CYTH4: variants seen among roughly 807,000 people sequenced by gnomAD.
The protein encoded by CYTH4 is cytohesin 4.
CYTH4 carries 22 observed loss-of-function variants against 57.5 expected under a neutral mutation model. The observed-to-expected ratio is 0.38, with a 90% CI of 0.27 to 0.55. The LOEUF (loss-of-function observed/expected upper bound fraction) is 0.55. Ranked by LOEUF, CYTH4 falls within the 20% of genes least tolerant of loss-of-function variation. The pLI is 0.74. For missense variants in CYTH4, 420 were observed against 535.6 expected (o/e 0.78, Z 2.13); for synonymous variants, 186 against 206.5 (o/e 0.90, Z 0.85).
At chr22:37,310,904 C>T in intron 9 of CYTH4, 84 bp from the exon 10 acceptor site, 2 of 1,454,566 alleles carry the variant, frequency 1.4e-6, no homozygotes, top group Admixed American at 3.4e-5. Context: ...CAGGGGAAAG[C>T]ATCCGAGGAC....
At chr22:37,308,436 G>A (rs1929483085) in intron 8 of CYTH4, among the ~76,000 whole-genome samples, 1 of 151,626 alleles carries the variant, frequency 6.6e-6, no homozygotes, top group South Asian at 2.1e-4. Context: ...ACGCAAGCGT[G>A]CATGTGTGTG....
At chr22:37,305,891 CAG>C (rs1929376600) in intron 8 of CYTH4, among the ~76,000 whole-genome samples, 1 of 152,156 alleles carries the variant, frequency 6.6e-6, no homozygotes, top group Non-Finnish European at 1.5e-5. Context: ...CAGTGGTAGT[CAG>C]GGGACAGGAG....
At chr22:37,299,140 C>T in intron 5 of CYTH4, 86 bp from the exon 6 acceptor site, 1 of 951,636 alleles carries the variant, frequency 1.1e-6, no homozygotes, top group Non-Finnish European at 1.7e-6. Flanking sequence ...TCTGTCCTCT[C>T]CCTCCCCCAC....
At chr22:37,313,348 G>A (rs1929719488) in intron 12 of CYTH4, 91 bp from the exon 13 acceptor site, 1 of 1,316,624 alleles carries the variant, frequency 7.6e-7, no homozygotes, top group African/African-American at 1.5e-5. Context: ...ACACCTCCCT[G>A]GGAATCCCAT....
At chr22:37,301,083 C>T in intron 7 of CYTH4, 64 bp downstream of exon 7, 1 of 1,422,554 alleles carries the variant, frequency 7.0e-7, no homozygotes, top group African/African-American at 1.4e-5. Context: ...GCATAGATTT[C>T]ACAGACCCCC....
At chr22:37,290,946 G>T (rs146995114) in intron 1 of CYTH4, among the ~76,000 whole-genome samples, 2,262 of 152,298 alleles carry the variant, frequency 0.015, 25 homozygotes, top group Non-Finnish European at 0.017. Flanking sequence ...GCAGCTGGGG[G>T]GATGGTGCCT....
chr22:37,309,102 T>G, intron 8 of CYTH4, 110 bp from the exon 9 acceptor site: 1 of 784,832 alleles, frequency 1.3e-6, no homozygotes, highest in East Asian at 2.8e-5. Context: ...GAGGAAAGAG[T>G]ATGCCTGCAG....
At chr22:37,309,760 G>T (rs1929566983) in intron 9 of CYTH4, among the ~76,000 whole-genome samples, 1 of 152,244 alleles carries the variant, frequency 6.6e-6, no homozygotes, top group Non-Finnish European at 1.5e-5. Flanking sequence ...CCAGCCAGGG[G>T]CAGATTTGAG....
intron 8 of CYTH4, among the ~76,000 whole-genome samples, chr22:37,306,720 G>A (rs1261015127): frequency 6.6e-6 from 1 of 152,198 alleles, no homozygotes; most frequent in East Asian, 1.9e-4. Context: ...TGATCCAGTT[G>A]CCCCATCTCT....
rs924902166 is a variant in CYTH4, at chr22:37,295,065, G to A, written c.167+341G>A. On this transcript the variant is annotated intron_variant, in intron 3 of 12. Coordinates refer to ENST00000248901, the MANE Select transcript of CYTH4 (RefSeq NM_013385.5). This position sits in a 1 kb window ranked among gnomAD's most constrained non-coding sequence, Gnocchi z 4.1. The stretch of plus-strand genomic sequence containing the variant: ...AAGGGAAGCTCAGCCCCAAGGGCAA[G>A]GACAAGGAAGCCCAGGGCCCCAGGA... Among the ~76,000 whole-genome samples, 1 of 152,162 alleles carries A rather than the reference G, an allele frequency of 6.6e-6. No individual in the cohort carries two copies. Among genetic ancestry groups the A allele is most frequent in the African/African-American group, 2.4e-5 (1 of 41,430 alleles).
chr22:37,304,055 T>A (rs1487671346), intron 8 of CYTH4: 5 of 415,106 alleles, frequency 1.2e-5, no homozygotes, highest in Non-Finnish European at 2.4e-5. Context: ...GCTGTGGGGA[T>A]GGAGCTCTGG....
At chr22:37,286,094 C>T (rs1424733736) in intron 1 of CYTH4, among the ~76,000 whole-genome samples, 1 of 110,686 alleles carries the variant, frequency 9.0e-6, no homozygotes, top group East Asian at 3.1e-4. Flanking sequence ...GCAAAGTTGG[C>T]TTTGCAGGGG....
Position 37,313,510 on chromosome 22 carries a change from G to T in CYTH4, c.1184G>T (p.Ter395LeuextTer45). 1 of 1,614,156 alleles carries T rather than the reference G, an allele frequency of 6.2e-7. No individual in the cohort carries two copies. Among genetic ancestry groups the T allele is most frequent in the Non-Finnish European group, 8.5e-7 (1 of 1,179,972 alleles). Residue 395 changes from the stop codon to leucine (L), a stop_lost, in exon 13 of 13, where the codon TGA becomes TTA. Coordinates refer to ENST00000248901, the MANE Select transcript of CYTH4 (RefSeq NM_013385.5). ...TRKKKIASKQ[*>L] Reference sequence around the variant, plus strand: ...AAGAAGAAGATTGCCAGCAAGCAGTGAGATTCCTGGAGGTGGCACTGGGGG... The same window carrying T: ...AAGAAGAAGATTGCCAGCAAGCAGTTAGATTCCTGGAGGTGGCACTGGGGG...
intron 7 of CYTH4, among the ~76,000 whole-genome samples, chr22:37,302,734 C>G (rs1186443744): frequency 6.6e-6 from 1 of 152,182 alleles, no homozygotes; most frequent in Non-Finnish European, 1.5e-5. Context: ...CCCTCCCCAG[C>G]CATCAGCCCA....
rs575734515 is a variant in CYTH4 at position 37,303,505 on chromosome 22, C to G, written c.696+103C>G. ...GGGCTCCTCTGAGATAGACAGCCCC[C>G]AGTGGGGACTCTGCTGATATGGCCC... On this transcript the variant is annotated intron_variant, in intron 8 of 12. Transcript: ENST00000248901. 4.5e-4 allele frequency: 646 copies of G among 1,426,938 alleles called. 1 individual carries two copies. Among genetic ancestry groups the G allele is most frequent in the Non-Finnish European group, 5.6e-4 (609 of 1,082,958 alleles). 88.4% of individuals were successfully genotyped at this position (1,426,938 alleles called of 1,614,324 possible).
chr22:37,290,918 C>G (rs1489530025), intron 1 of CYTH4, among the ~76,000 whole-genome samples: 1 of 152,190 alleles, frequency 6.6e-6, no homozygotes, highest in East Asian at 1.9e-4. Context: ...TGTGAGCCAT[C>G]AGCAGGCTTT....
At chr22:37,309,626 G>T (rs764617802) in intron 9 of CYTH4, among the ~76,000 whole-genome samples, 19 of 152,238 alleles carry the variant, frequency 1.2e-4, no homozygotes, top group Non-Finnish European at 1.9e-4. Context: ...TCTCTCCCCA[G>T]CGGAATGGGG....
At chr22:37,287,014 T>G (rs928143095) in intron 1 of CYTH4, among the ~76,000 whole-genome samples, 1 of 152,042 alleles carries the variant, frequency 6.6e-6, no homozygotes, top group African/African-American at 2.4e-5. Flanking sequence ...GACAGCCAGG[T>G]GGGAGTCAGA....
rs1057277928 is a variant in CYTH4, at chr22:37,284,095, C to G, written c.19+1507C>G. Among the ~76,000 whole-genome samples the G allele has an allele frequency of 2.6e-5, 4 of 152,226 alleles. 1 individual carries two copies. In the East Asian group the frequency reaches 5.8e-4, roughly 22 times the overall value. ...GCAGCAGAGCAGGGACGAGAACCTG[C>G]GGGAGAGAGCCCCAGGTTGGCCGGG... On this transcript the variant is annotated intron_variant, in intron 1 of 12. Coordinates refer to ENST00000248901, the MANE Select transcript of CYTH4 (RefSeq NM_013385.5).
Sources: allele counts gnomAD v4.1 joint callset (sites outside exome capture counted in the v4.1 genomes callset), GRCh38; gene constraint gnomAD v4.1.1; non-coding constraint Gnocchi (gnomAD v3.1); transcripts MANE v1.5; gene names NCBI Gene and HGNC (gene_info 2026-07-23, HGNC 2026-07-21).